Variants in SBF1 observed in about 807,000 individuals in gnomAD.
SBF1 encodes the protein myotubularin-related protein 5.
SBF1 carries 65 observed loss-of-function variants against 215.8 expected under a neutral mutation model. That is an observed-to-expected ratio of 0.30 (90% CI 0.25 to 0.37). The LOEUF is 0.37. SBF1 is among the 10% of genes least tolerant of loss of function. The pLI is 1.00. For missense variants in SBF1, 2,634 were observed against 2,667.8 expected (o/e 0.99, Z 0.28); for synonymous variants, 1,410 against 1,122.8 (o/e 1.26, Z -5.11).
chr22:50,454,999 C>T lies in SBF1; in HGVS notation c.4681+17G>A, dbSNP rs780206305. 1.9e-6 allele frequency: 3 copies of T among 1,614,054 alleles called. No individual in the cohort carries two copies. Among genetic ancestry groups the T allele is most frequent in the Non-Finnish European group, 2.5e-6 (3 of 1,180,032 alleles). ...CCTCCTGACCCGTGGCTGCCCCAGC[C>T]CCGACTCCCCACATACCCAGCTCAA... On this transcript the variant is annotated intron_variant, in intron 34 of 40. Coordinates refer to ENST00000380817, the MANE Select transcript of SBF1 (RefSeq NM_002972.4).
chr22:50,448,484 G>C (rs775846409), intron 37 of SBF1, 40 bp from the exon 38 acceptor site: 1 of 1,608,514 alleles, frequency 6.2e-7, no homozygotes. Flanking sequence ...GGGCTGGACA[G>C]ACTCCACTTT....
intron 10 of SBF1, among the ~76,000 whole-genome samples, 178 bp downstream of exon 10, chr22:50,465,585 C>T (rs995518915): frequency 2.0e-5 from 3 of 152,240 alleles, no homozygotes; most frequent in Admixed American, 6.5e-5. Flanking sequence ...GCCTCGCCTG[C>T]ACCACTCACG....
chr22:50,468,054 T>A, intron 2 of SBF1, 131 bp from the exon 3 acceptor site: 1 of 1,146,058 alleles, frequency 8.7e-7, no homozygotes, highest in Middle Eastern at 2.2e-4. Flanking sequence ...TTGGAGACCC[T>A]GGGGACACGT....
intron 31 of SBF1, chr22:50,455,867 A>G: frequency 1.8e-6 from 1 of 566,736 alleles, no homozygotes; most frequent in Non-Finnish European, 3.1e-6. Flanking sequence ...CAAGCCCTCC[A>G]GTGTTTACCA....
intron 14 of SBF1, 31 bp from the exon 15 acceptor site, chr22:50,464,472 C>T (rs374490008): frequency 5.0e-6 from 8 of 1,605,684 alleles, no homozygotes; most frequent in Non-Finnish European, 6.8e-6. Context: ...CACTCGGACC[C>T]CTGACCCCAC....
At chr22:50,466,946 C>G in intron 5 of SBF1, 1 of 562,672 alleles carries the variant, frequency 1.8e-6, no homozygotes. Flanking sequence ...GGGATGGGGC[C>G]TAGGTGGGCG....
At chr22:50,452,848 T>C (rs1218213188) in intron 36 of SBF1, among the ~76,000 whole-genome samples, 2 of 151,904 alleles carry the variant, frequency 1.3e-5, no homozygotes, top group Non-Finnish European at 2.9e-5. Flanking sequence ...AAGGCTCTTC[T>C]GGTGTCAACA....
In SBF1 at chr22:50,454,718, A is replaced by G. The variant is rs1299337224; in HGVS notation, c.4837T>C (p.Ser1613Pro). The change falls in exon 36 of 41, where the codon TCC (serine) becomes CCC (proline). Residue 1613 changes from serine to proline, a missense_variant. Transcript: ENST00000380817. The stretch of plus-strand genomic sequence containing the variant: ...TAGAAGTCCCACACCTTCAGGTTGG[A>G]CACGTTGCTGTAGGGCCGCAGGACC... ...AEVLRPYSNVSNLKVWDFYTE... is the reference protein window; with the variant it reads ...AEVLRPYSNVPNLKVWDFYTE... The G allele has an allele frequency of 2.5e-6, 4 of 1,568,702 alleles. No individual in the cohort carries two copies. In the South Asian group the frequency reaches 3.6e-5, roughly 14 times the overall value.
chr22:50,454,815 T>C lies in SBF1; in HGVS notation c.4811A>G (p.Glu1604Gly). Reference sequence around the variant, plus strand: ...TACCCGACCCAGGCCCCAGCTTACCTCTGCGTCCTCGGGCGCATACATGTA... The same window carrying C: ...TACCCGACCCAGGCCCCAGCTTACCCCTGCGTCCTCGGGCGCATACATGTA... ...HNYMYAPEDA[E>G]VLRPYSNVSN... The change falls in exon 35 of 41, where the codon GAG becomes GGG. Residue 1604 changes from glutamate (E) to glycine (G), a missense_variant and splice_region_variant. Coordinates refer to ENST00000380817, the MANE Select transcript of SBF1 (RefSeq NM_002972.4). 6.2e-7 allele frequency: 1 copy of C among 1,613,882 alleles called. No individual in the cohort carries two copies. The highest frequency in any genetic ancestry group is 1.1e-5 in the South Asian group (1 of 91,080).
Position 50,460,611 on chromosome 22 carries a change from G to T in SBF1, c.3069C>A (p.Thr1023=). 6.2e-7 allele frequency: 1 copy of T among 1,614,130 alleles called. No individual in the cohort carries two copies. Among genetic ancestry groups the T allele is most frequent in the Admixed American group, 1.7e-5 (1 of 60,036 alleles). Residue 1023 remains threonine, a synonymous_variant, in exon 24 of 41, where the codon ACC becomes ACA. Coordinates refer to ENST00000380817, the MANE Select transcript of SBF1 (RefSeq NM_002972.4). Reference sequence around the variant, plus strand: ...GGGCAGAGCCCAAGGTGAACGCAAAGGTGGCCCTGATGTCCGGCGGGTACC... The same window carrying T: ...GGGCAGAGCCCAAGGTGAACGCAAATGTGGCCCTGATGTCCGGCGGGTACC... ...KLRYPPDIRA[T]FAFTLGSAHT...
rs532677881 is a variant in SBF1, at chr22:50,447,836, G to A, written c.5364-227C>T. Among the ~76,000 whole-genome samples, 29 of 152,334 alleles carry A rather than the reference G, an allele frequency of 1.9e-4. 1 individual carries two copies. Among genetic ancestry groups the A allele is most frequent in the Non-Finnish European group, 2.8e-4 (19 of 68,026 alleles). ...GCCCAGAAAGGAGACAGTGAAGGGC[G>A]CCTCACACCCTCCAGACTCCAGGGA... On this transcript the variant is annotated intron_variant, in intron 38 of 40. Transcript: ENST00000380817.
At chr22:50,450,041 CAG>C (rs756225696) in intron 36 of SBF1, among the ~76,000 whole-genome samples, 4 of 152,232 alleles carry the variant, frequency 2.6e-5, no homozygotes, top group Non-Finnish European at 5.9e-5. Flanking sequence ...GCCGAGGAGG[CAG>C]AGACGGGACG....
At chr22:50,464,234 C>T in intron 15 of SBF1, 95 bp downstream of exon 15, 3 of 1,078,376 alleles carry the variant, frequency 2.8e-6, no homozygotes, top group Non-Finnish European at 4.1e-6. Context: ...AGAGGAGGCC[C>T]TGGGGCAGCG....
At position 50,471,625 on chromosome 22, in the gene SBF1, TC is replaced by T. The variant is rs751494439; in HGVS notation, c.55+3160del. Among the ~76,000 whole-genome samples the T allele has an allele frequency of 4.9e-4, 74 of 151,856 alleles. 1 individual carries two copies. The highest frequency in any genetic ancestry group is 1.9e-4 in the Non-Finnish European group (13 of 67,954). ...CACCCAACCCCAACGTGCACATGGC[TC>T]CCTCGGCCGCAGCAGCAGGCCATGC... On this transcript the variant is annotated intron_variant, in intron 1 of 40. Transcript: ENST00000380817.
At position 50,446,508 on chromosome 22, in the gene SBF1, T is replaced by C. The variant is rs1215671466; in HGVS notation, c.*634A>G. 4.1e-6 allele frequency: 1 copy of C among 243,164 alleles called. No individual in the cohort carries two copies. Among genetic ancestry groups the C allele is most frequent in the Non-Finnish European group, 8.4e-6 (1 of 119,734 alleles). 15.1% of individuals were successfully genotyped at this position (243,164 alleles called of 1,614,324 possible). A position where few individuals can be genotyped will look rare whatever the true frequency, so the allele number is the denominator to read the frequency against. On this transcript the variant is annotated 3_prime_UTR_variant, in exon 41 of 41. Coordinates refer to ENST00000380817, the MANE Select transcript of SBF1 (RefSeq NM_002972.4). Reference sequence around the variant, plus strand: ...ACCCCCAAGCCTCTGTGAGGTCAGCTTCTGCATCCCCTGGGTAGGGATGGG... The same window carrying C: ...ACCCCCAAGCCTCTGTGAGGTCAGCCTCTGCATCCCCTGGGTAGGGATGGG...
chr22:50,463,357 C>A lies in SBF1; in HGVS notation c.1825G>T (p.Val609Leu), dbSNP rs1387662648. 1.3e-5 allele frequency: 21 copies of A among 1,610,300 alleles called. No individual in the cohort carries two copies. Among genetic ancestry groups the A allele is most frequent in the Non-Finnish European group, 1.7e-5 (20 of 1,178,366 alleles). Residue 609 changes from valine (V) to leucine (L), a missense_variant, in exon 16 of 41, where the codon GTG becomes TTG. By Grantham distance (32) the Val-to-Leu change is conservative (BLOSUM62 1). Coordinates refer to ENST00000380817, the MANE Select transcript of SBF1 (RefSeq NM_002972.4). ...RCLAQELHLH[V>L]QQNRAVLDHQ... ...TCCAGGACCGCACGGTTCTGCTGCA[C>A]ATGCAGGTGCAGCTCCTGGGCGAGG...
intron 38 of SBF1, 91 bp from the exon 39 acceptor site, chr22:50,447,700 C>G: frequency 2.1e-6 from 2 of 949,664 alleles, no homozygotes; most frequent in South Asian, 2.9e-5. Context: ...CTGTCCCAGC[C>G]CAGGAGGTAA....
At chr22:50,463,501 GGCA>G (rs2067610741) in intron 15 of SBF1, 69 bp from the exon 16 acceptor site, 2 of 1,461,894 alleles carry the variant, frequency 1.4e-6, no homozygotes, top group African/African-American at 2.8e-5. Context: ...TGGCAGGGAG[GGCA>G]GCAGGTGTCC....
At chr22:50,461,115 A>T in intron 23 of SBF1, 44 bp downstream of exon 23, 1 of 1,551,180 alleles carries the variant, frequency 6.4e-7, no homozygotes, top group Non-Finnish European at 8.7e-7. Context: ...CAGGAGAAAG[A>T]CCAGGGCGGG....
Sources: allele counts gnomAD v4.1 joint callset (sites outside exome capture counted in the v4.1 genomes callset), GRCh38; gene constraint gnomAD v4.1.1; transcripts MANE v1.5; gene names NCBI Gene and HGNC (gene_info 2026-07-23, HGNC 2026-07-21).